The following DGKB variants were observed in gnomAD, a reference collection of about 807,000 sequenced individuals.
The protein encoded by DGKB is 90 kDa diacylglycerol kinase.
A neutral mutation model predicts 114.3 loss-of-function variants in DGKB; 67 were observed. That is an observed-to-expected ratio of 0.59 (90% CI 0.48 to 0.72). The LOEUF (loss-of-function observed/expected upper bound fraction) is 0.72. Ranked by LOEUF, DGKB falls within the 30% of genes least tolerant of loss-of-function variation. The pLI, the probability that DGKB is intolerant of heterozygous loss-of-function variation, is 0.00. For missense variants in DGKB, 907 were observed against 975.2 expected (o/e 0.93, Z 0.93); for synonymous variants, 398 against 323.1 (o/e 1.23, Z -2.49).
At position 14,892,618 on chromosome 7, in the gene DGKB, C is replaced by T. The variant is rs553360618; in HGVS notation, c.-188+9974G>A. Among the ~76,000 whole-genome samples the T allele has an allele frequency of 8.1e-4, 122 of 150,938 alleles. 1 individual carries two copies. The South Asian group carries it at 0.025, about 30-fold the overall frequency. ...TGTCAAATATCCATCTCCACCTGCC[C>T]CCACAATACAACCTAGATCATAGTA... On this transcript the variant is annotated intron_variant, in intron 1 of 25. Coordinates refer to ENST00000402815, the MANE Select transcript of DGKB (RefSeq NM_001350709.2).
At chr7:14,583,208 A>T in intron 17 of DGKB, 71 bp from the exon 18 acceptor site, 1 of 886,930 alleles carries the variant, frequency 1.1e-6, no homozygotes, top group Admixed American at 2.8e-5. Context: ...TTGTATCATT[A>T]ACATTTTACC....
intron 2 of DGKB, among the ~76,000 whole-genome samples, chr7:14,820,997 C>G (rs1360275186): frequency 1.3e-5 from 2 of 152,078 alleles, no homozygotes; most frequent in East Asian, 3.8e-4. Context: ...TCTGTCCTCT[C>G]TAGGAACATG....
At chr7:14,531,952 ATAAT>A (rs1044710475) in intron 20 of DGKB, among the ~76,000 whole-genome samples, 1 of 151,200 alleles carries the variant, frequency 6.6e-6, no homozygotes, top group African/African-American at 2.4e-5. Context: ...TGCTAGTGAG[ATAAT>A]TAGATACCAA....
chr7:14,212,417 C>CAT lies in DGKB; in HGVS notation c.2123-34267_2123-34266insAT, dbSNP rs1562634291. ...CTCTCATGTTTTGTGATTTTACTCT[C>CAT]GTGTTTTGTGATATTTACTCTCATG... On this transcript the variant is annotated intron_variant, in intron 23 of 25. Transcript: ENST00000402815. 4.7e-4 allele frequency among the ~76,000 whole-genome samples: 30 copies of CAT among 63,982 alleles called. 9 individuals carry two copies. Among genetic ancestry groups the CAT allele is most frequent in the East Asian group, 3.0e-3 (6 of 1,978 alleles). 42.0% of individuals were successfully genotyped at this position (63,982 alleles called of 152,430 possible). A position where few individuals can be genotyped will look rare whatever the true frequency, so the allele number is the denominator to read the frequency against.
chr7:14,524,950 C>T (rs1186630317), intron 20 of DGKB, among the ~76,000 whole-genome samples: 2 of 151,260 alleles, frequency 1.3e-5, no homozygotes, highest in Non-Finnish European at 2.9e-5. Context: ...GGCCTAATTT[C>T]TGCAATATAT....
chr7:14,238,504 CTTAG>C (rs1374916445), intron 23 of DGKB, among the ~76,000 whole-genome samples: 2 of 151,478 alleles, frequency 1.3e-5, no homozygotes, highest in Non-Finnish European at 2.9e-5. Context: ...GATTTTTTTA[CTTAG>C]TTTCCAGGAA....
intron 21 of DGKB, among the ~76,000 whole-genome samples, chr7:14,390,612 A>C (rs2128706108): frequency 6.6e-6 from 1 of 152,324 alleles, no homozygotes; most frequent in East Asian, 1.9e-4. Flanking sequence ...CAAAGACAAA[A>C]ATGAATTATG....
At chr7:14,654,768 T>C (rs1180374105) in intron 13 of DGKB, among the ~76,000 whole-genome samples, 3 of 151,980 alleles carry the variant, frequency 2.0e-5, no homozygotes, top group South Asian at 2.1e-4. Flanking sequence ...TCTAAGAACA[T>C]ACACTGGGGA....
At chr7:14,252,318 A>G (rs185671634) in intron 23 of DGKB, among the ~76,000 whole-genome samples, 72 of 152,134 alleles carry the variant, frequency 4.7e-4, no homozygotes, top group African/African-American at 1.4e-3. Flanking sequence ...GTAGTTACCA[A>G]TTTCCTTAGG....
At chr7:14,313,575 G>T (rs917537547) in intron 23 of DGKB, among the ~76,000 whole-genome samples, 14 of 152,202 alleles carry the variant, frequency 9.2e-5, no homozygotes, top group African/African-American at 3.4e-4. Flanking sequence ...CTTTTCCGAC[G>T]GGCTTAAAAA....
chr7:14,365,361 A>G (rs1816492705), intron 21 of DGKB, among the ~76,000 whole-genome samples: 1 of 152,098 alleles, frequency 6.6e-6, no homozygotes, highest in African/African-American at 2.4e-5. Context: ...CTCAGTAATT[A>G]TAATCCTTAA....
chr7:14,760,069 C>G (rs1453114967), intron 2 of DGKB, among the ~76,000 whole-genome samples: 2 of 152,102 alleles, frequency 1.3e-5, no homozygotes, highest in East Asian at 1.9e-4. Context: ...GGCAAAATGT[C>G]TATTCAAGTT....
intron 23 of DGKB, among the ~76,000 whole-genome samples, chr7:14,260,661 A>C (rs979546173): frequency 2.0e-5 from 3 of 152,156 alleles, no homozygotes; most frequent in Non-Finnish European, 4.4e-5. Flanking sequence ...TAGGGGTGAG[A>C]CCTCAGCTTA....
chr7:14,628,911 A>G (rs572661083), intron 14 of DGKB, among the ~76,000 whole-genome samples: 28 of 152,254 alleles, frequency 1.8e-4, no homozygotes, highest in African/African-American at 6.3e-4. Context: ...TAAAAACTTC[A>G]TATCAAAATA....
chr7:14,942,231 T>TGG (rs1785606715), intron 1 of DGKB, among the ~76,000 whole-genome samples: 1 of 151,920 alleles, frequency 6.6e-6, no homozygotes, highest in Admixed American at 6.6e-5. Flanking sequence ...TGCTAATGAC[T>TGG]AATTTACCAC....
rs201329592 is a variant in DGKB at position 14,149,117 on chromosome 7, G to A, written c.*14C>T. The A allele has an allele frequency of 8.8e-5, 142 of 1,607,036 alleles. No individual in the cohort carries two copies. The East Asian group carries it at 2.5e-3, about 29-fold the overall frequency. On this transcript the variant is annotated 3_prime_UTR_variant, in exon 26 of 26. Coordinates refer to ENST00000402815, the MANE Select transcript of DGKB (RefSeq NM_001350709.2). ...TTATGCTAATTCAATTTCTAAGAGT[G>A]AAACAACACAGGATTATTCCTTGCT...
chr7:14,706,248 T>C (rs1228627390), intron 6 of DGKB, among the ~76,000 whole-genome samples: 1 of 146,358 alleles, frequency 6.8e-6, no homozygotes, highest in Non-Finnish European at 1.5e-5. Flanking sequence ...AAGGGATCAA[T>C]TCAACAAGAA....
intron 4 of DGKB, among the ~76,000 whole-genome samples, chr7:14,736,998 G>T (rs6950448): frequency 6.6e-6 from 1 of 152,152 alleles, no homozygotes; most frequent in African/African-American, 2.4e-5. Context: ...AGGAAATTGA[G>T]GACAAGCACA....
At chr7:14,365,386 C>T (rs1389084502) in intron 21 of DGKB, among the ~76,000 whole-genome samples, 1 of 152,024 alleles carries the variant, frequency 6.6e-6, no homozygotes, top group East Asian at 1.9e-4. Flanking sequence ...ACGTCTTGCT[C>T]ACTCATTGTT....
Sources: allele counts gnomAD v4.1 joint callset (sites outside exome capture counted in the v4.1 genomes callset), GRCh38; gene constraint gnomAD v4.1.1; transcripts MANE v1.5; gene names NCBI Gene and HGNC (gene_info 2026-07-23, HGNC 2026-07-21).